TH: variants seen among roughly 807,000 people sequenced by gnomAD.
TH encodes the protein tyrosine hydroxylase.
A neutral mutation model predicts 57.4 loss-of-function variants in TH; 49 were observed. That is an observed-to-expected ratio of 0.85 (90% CI 0.68 to 1.08). The LOEUF is 1.08. TH is among the 50% of genes least tolerant of loss of function. The probability of loss-of-function intolerance (pLI) is 0.00; values close to 1 mark genes in which losing one functional copy is unlikely to be tolerated. For synonymous variants in TH, 330 were observed against 304.5 expected, an observed-to-expected ratio of 1.08 and a Z score of -0.87; for missense variants, 720 against 696.7, an observed-to-expected ratio of 1.03 and a Z score of -0.38.
In TH at chr11:2,171,793, G is replaced by A. The variant is rs199925956; in HGVS notation, c.-7C>T. 275 of 1,610,416 alleles carry A rather than the reference G, an allele frequency of 1.7e-4. 1 individual carries two copies. In the African/African-American group the frequency reaches 3.4e-3, roughly 20 times the overall value. On this transcript the variant is annotated 5_prime_UTR_variant, in exon 1 of 13. Coordinates refer to ENST00000352909, the MANE Select transcript of TH (RefSeq NM_000360.4). This position sits in a 1 kb window ranked among gnomAD's most constrained non-coding sequence, Gnocchi z 8.6. ...TGGCGTCGGGGGTGGGCATGGCTCA[G>A]TGTGGAGGTCCGGGCTCCGTCTCCA...
Position 2,170,752 on chromosome 11 carries a change from G to C in TH, c.91-881C>G. 6.3e-7 allele frequency: 1 copy of C among 1,594,064 alleles called. No individual in the cohort carries two copies. Among genetic ancestry groups the C allele is most frequent in the Non-Finnish European group, 8.5e-7 (1 of 1,175,006 alleles). On this transcript the variant is annotated intron_variant, in intron 1 of 12. Transcript: ENST00000352909. The surrounding 1 kb of genome is among the most constrained non-coding windows in gnomAD (Gnocchi z 6.0). Reference sequence around the variant, plus strand: ...GTTCCAGGCCACGGAGAGCCTGTGAGGCTGGGCCCCGGGGCGCCCTGGGGA... The same window carrying C: ...GTTCCAGGCCACGGAGAGCCTGTGACGCTGGGCCCCGGGGCGCCCTGGGGA...
In TH at chr11:2,164,378, C is replaced by T. The variant is rs138291013; in HGVS notation, c.1349G>A (p.Arg450His). 6.1e-5 allele frequency: 95 copies of T among 1,548,722 alleles called. 1 individual carries two copies. The Admixed American group carries it at 6.9e-4, about 11-fold the overall frequency. The change falls in exon 13 of 13, where the codon CGC (arginine) becomes CAC (histidine). Residue 450 changes from arginine (R) to histidine (H), a missense_variant. Coordinates refer to ENST00000352909, the MANE Select transcript of TH (RefSeq NM_000360.4). ...AKDKLRSYAS[R>H]IQRPFSVKFD... is the part of the protein sequence containing the mutation. ...CTTCACGGAGAAGGGGCGCTGGATG[C>T]GTGAGGCATAGCTCCTGGGGAGGAG...
chr11:2,168,259 T>C, intron 3 of TH, 80 bp from the exon 4 acceptor site: 1 of 1,506,878 alleles, frequency 6.6e-7, no homozygotes, highest in Non-Finnish European at 9.2e-7. Flanking sequence ...CAGCCTCCCC[T>C]ACAAGACTTC....
intron 10 of TH, 83 bp downstream of exon 10, chr11:2,165,919 T>G: frequency 6.6e-7 from 1 of 1,520,750 alleles, no homozygotes; most frequent in Non-Finnish European, 8.9e-7. Flanking sequence ...AGGAGAGGCC[T>G]CAGCCTGGAC....
Position 2,165,980 on chromosome 11 carries a change from CTG to C in TH, c.1104+20_1104+21del. On this transcript the variant is annotated intron_variant, in intron 10 of 12. Transcript: ENST00000352909. ...GACCCCCAAACCCACACCCCAGGCC[CTG>C]CAGGGAGGGGTCAACCCACCGTGGA... is the stretch of plus-strand genomic sequence containing the variant. The C allele has an allele frequency of 6.4e-7, 1 of 1,557,794 alleles. No individual in the cohort carries two copies. The highest frequency in any genetic ancestry group is 8.7e-7 in the Non-Finnish European group (1 of 1,150,908).
At chr11:2,165,526 CAG>C (rs1483015826) in intron 11 of TH, 140 bp downstream of exon 11, 2 of 1,351,424 alleles carry the variant, frequency 1.5e-6, no homozygotes, top group East Asian at 2.5e-5. Flanking sequence ...GAGGACTGGG[CAG>C]AGACAAGCCT....
chr11:2,167,874 C>T lies in TH; in HGVS notation c.636G>A (p.Gln212=), dbSNP rs752607225. The change falls in exon 5 of 13, where the codon CAG becomes CAA. Residue 212 remains glutamine, a synonymous_variant. Coordinates refer to ENST00000352909, the MANE Select transcript of TH (RefSeq NM_000360.4). Reference sequence around the variant, plus strand: ...GCGCAGGGGCCCCTCACTGCCTGTACTGGAAGGCGATCTCAGCAATCAGCT... The same window carrying T: ...GCGCAGGGGCCCCTCACTGCCTGTATTGGAAGGCGATCTCAGCAATCAGCT... ...RRKLIAEIAF[Q]YRHGDPIPRV... is the part of the protein sequence containing the mutation. 7 of 1,606,614 alleles carry T rather than the reference C, an allele frequency of 4.4e-6. No individual in the cohort carries two copies. Among genetic ancestry groups the T allele is most frequent in the Non-Finnish European group, 5.9e-6 (7 of 1,176,956 alleles).
chr11:2,166,951 C>G lies in TH; in HGVS notation c.777G>C (p.Glu259Asp). The G allele has an allele frequency of 6.3e-7, 1 of 1,597,122 alleles. No homozygotes were observed. Among genetic ancestry groups the G allele is most frequent in the Non-Finnish European group, 8.5e-7 (1 of 1,172,762 alleles). ...GEHLEAFALLERFSGYREDNI... is the reference protein window; with the variant it reads ...GEHLEAFALLDRFSGYREDNI... ...TGTCTTCCCGGTAGCCGCTGAAGCG[C>G]TCCAGCAAAGCAAAGGCCTCCAGGT... Residue 259 changes from glutamate to aspartate, a missense_variant, in exon 7 of 13, where the codon GAG becomes GAC. Glu to Asp is a conservative substitution (Grantham distance 45, BLOSUM62 2). Coordinates refer to ENST00000352909, the MANE Select transcript of TH (RefSeq NM_000360.4).
chr11:2,168,775 C>T, intron 2 of TH, 110 bp from the exon 3 acceptor site: 3 of 1,325,312 alleles, frequency 2.3e-6, no homozygotes, highest in Non-Finnish European at 3.1e-6. Context: ...CCAGGCCCTG[C>T]CCTTGACTTT....
chr11:2,164,240 A>G lies in TH; in HGVS notation c.1487T>C (p.Ile496Thr), dbSNP rs2049650632. 1.4e-6 allele frequency: 2 copies of G among 1,464,786 alleles called. No homozygotes were observed. Among genetic ancestry groups the G allele is most frequent in the South Asian group, 1.5e-5 (1 of 68,650 alleles). The allele number at this position is 1,464,786 out of a possible 1,614,324, so 90.7% of individuals were successfully genotyped here. ...LDTLAHALSA[I>T]G Reference sequence around the variant, plus strand: ...CTCAGGGACGCCGTGCACCTAGCCAATGGCACTCAGCGCATGGGCAAGGGT... The same window carrying G: ...CTCAGGGACGCCGTGCACCTAGCCAGTGGCACTCAGCGCATGGGCAAGGGT... Residue 496 changes from isoleucine to threonine, a missense_variant, in exon 13 of 13, where the codon ATT becomes ACT. Coordinates refer to ENST00000352909, the MANE Select transcript of TH (RefSeq NM_000360.4).
At chr11:2,165,395 C>G in intron 11 of TH, 30 bp from the exon 12 acceptor site, 1 of 1,605,208 alleles carries the variant, frequency 6.2e-7, no homozygotes, top group Non-Finnish European at 8.5e-7. Flanking sequence ...ATCACTGACT[C>G]CACTGCACCC....
At position 2,166,529 on chromosome 11, in the gene TH, AGCAGCTCGTG is replaced by A; in HGVS notation, c.988_997del (p.His330TrpfsTer53). 1 of 1,602,656 alleles carries A rather than the reference AGCAGCTCGTG, an allele frequency of 6.2e-7. No individual in the cohort carries two copies. The highest frequency in any genetic ancestry group is 8.5e-7 in the Non-Finnish European group (1 of 1,177,378). ...GTCGGCCAGCATGGGCACGTGCCCC[AGCAGCTCGTG>A]GCAGCAGTCCCTGCGCGTAGGAGGG... On this transcript the variant is annotated frameshift_variant, in exon 9 of 13. Coordinates refer to ENST00000352909, the MANE Select transcript of TH (RefSeq NM_000360.4). LOFTEE classifies it high-confidence loss of function.
In TH at chr11:2,166,315, G is replaced by T. The variant is rs1846088540; in HGVS notation, c.1047+165C>A. ...GGCAGCACAGGCCGTGGGAGGCTCC[G>T]CTCCAGCCCCGCCCTATGCCGCGCG... On this transcript the variant is annotated intron_variant, in intron 9 of 12. Transcript: ENST00000352909. 7 of 1,047,854 alleles carry T rather than the reference G, an allele frequency of 6.7e-6. No individual in the cohort carries two copies. In the Middle Eastern group the frequency reaches 9.4e-4, roughly 140 times the overall value. 64.9% of individuals were successfully genotyped at this position (1,047,854 alleles called of 1,614,324 possible).
At position 2,166,912 on chromosome 11, in the gene TH, C is replaced by T. The variant is rs769686434; in HGVS notation, c.816G>A (p.Leu272=). Residue 272 remains leucine, a synonymous_variant, in exon 7 of 13, where the codon CTG becomes CTA. Transcript: ENST00000352909. ...CCTTCAGGAAGCGGGAGACGTCCTCCAGCTGGGGGATATTGTCTTCCCGGT... is the reference window on the plus strand; with the variant it reads ...CCTTCAGGAAGCGGGAGACGTCCTCTAGCTGGGGGATATTGTCTTCCCGGT... ...SGYREDNIPQ[L]EDVSRFLKER... The T allele has an allele frequency of 2.5e-6, 4 of 1,604,560 alleles. No homozygotes were observed. Among genetic ancestry groups the T allele is most frequent in the Non-Finnish European group, 3.4e-6 (4 of 1,176,672 alleles).
At chr11:2,168,308 G>A in intron 3 of TH, 129 bp from the exon 4 acceptor site, 2 of 1,354,014 alleles carry the variant, frequency 1.5e-6, no homozygotes, top group South Asian at 1.2e-5. Context: ...GAGCTGCGGG[G>A]GGATCCTGGA....
chr11:2,167,837 T>A (rs1466103683), intron 5 of TH, 29 bp downstream of exon 5: 4 of 1,579,240 alleles, frequency 2.5e-6, no homozygotes, highest in Non-Finnish European at 3.4e-6. Context: ...CAGGACGGAG[T>A]CTGGGTCCCG....
At chr11:2,167,271 C>A in intron 6 of TH, 164 bp downstream of exon 6, 1 of 979,692 alleles carries the variant, frequency 1.0e-6, no homozygotes, top group Non-Finnish European at 1.5e-6. Context: ...GGATGGGTAG[C>A]CTCTTCCTCC....
chr11:2,165,805 G>C (rs1348728968), intron 10 of TH, 42 bp from the exon 11 acceptor site: 1 of 1,588,306 alleles, frequency 6.3e-7, no homozygotes, highest in Admixed American at 1.7e-5. Context: ...GACAGCTGCC[G>C]CCCACCGGGC....
chr11:2,166,275 A>G, intron 9 of TH: 2 of 887,620 alleles, frequency 2.3e-6, no homozygotes, highest in Non-Finnish European at 3.4e-6. Context: ...CGCCGTTCCC[A>G]GGTAGCCGGC....
Sources: gnomAD v4.1 joint callset for allele counts on GRCh38, gnomAD v4.1.1 for gene constraint, Gnocchi (gnomAD v3.1) non-coding constraint, MANE v1.5 for transcripts, NCBI Gene and HGNC (gene_info 2026-07-23, HGNC 2026-07-21) for gene names.